The following DPEP2 variants were observed in gnomAD, a reference collection of about 807,000 sequenced individuals.
DPEP2 encodes dipeptidase 2.
In DPEP2, 45 loss-of-function variants were observed where a neutral mutation model predicts 51.8. The ratio of observed to expected loss-of-function variants is 0.87; its 90% CI spans 0.68 to 1.11. The LOEUF is 1.11. DPEP2 is among the 50% of genes most tolerant of loss of function. DPEP2 has a pLI of 0.00. For synonymous variants in DPEP2, 255 were observed against 262.7 expected (o/e 0.97, Z 0.28); for missense variants, 604 against 631.9 (o/e 0.96, Z 0.47).
chr16:67,995,199 CT>C (rs921467997), intron 1 of DPEP2, among the ~76,000 whole-genome samples: 20 of 151,382 alleles, frequency 1.3e-4, no homozygotes, highest in Non-Finnish European at 2.7e-4. Context: ...CGCACCTGGG[CT>C]TTTTTTTTAT....
rs201483097 is a variant in DPEP2 at position 67,992,048 on chromosome 16, C to G, written c.520+16G>C. On this transcript the variant is annotated intron_variant, in intron 4 of 10. Transcript: ENST00000393847. Reference sequence around the variant, plus strand: ...AGCTCAATCAAGTTCCTAACGCTTCCCATCAACTTGCCTACCTTTAGCCGA... The same window carrying G: ...AGCTCAATCAAGTTCCTAACGCTTCGCATCAACTTGCCTACCTTTAGCCGA... 15 of 1,613,970 alleles carry G rather than the reference C, an allele frequency of 9.3e-6. No individual in the cohort carries two copies. Among genetic ancestry groups the G allele is most frequent in the Non-Finnish European group, 1.2e-5 (14 of 1,179,982 alleles).
Position 67,991,886 on chromosome 16 carries a change from A to G in DPEP2, c.614T>C (p.Met205Thr), listed in dbSNP as rs1476286665. The change falls in exon 5 of 11, where the codon ATG becomes ACG. Residue 205 changes from methionine (M) to threonine (T), a missense_variant. Met to Thr is a moderately conservative substitution (Grantham distance 81, BLOSUM62 -1). Coordinates refer to ENST00000393847, the MANE Select transcript of DPEP2 (RefSeq NM_022355.4). This position sits in a 1 kb window ranked among gnomAD's most constrained non-coding sequence, Gnocchi z 5.1. ...GAGCGTCAGGTAGCGCACTCCCAGC[A>G]TGTAGAAGGTACGTAAGATGGAGAG... ...NSLSILRTFY[M>T]LGVRYLTLTH... The G allele has an allele frequency of 2.5e-6, 4 of 1,614,058 alleles. No homozygotes were observed. Among genetic ancestry groups the G allele is most frequent in the Admixed American group, 1.7e-5 (1 of 59,994 alleles).
intron 1 of DPEP2, among the ~76,000 whole-genome samples, chr16:67,996,908 C>A (rs977066531): frequency 5.9e-5 from 9 of 151,970 alleles, no homozygotes; most frequent in African/African-American, 2.2e-4. Context: ...GACACACCCA[C>A]ACTTGTAGTT....
rs892850828 is a variant in DPEP2, at chr16:67,998,449, C to CG, written c.-46+925dup. On this transcript the variant is annotated intron_variant, in intron 1 of 10. Coordinates refer to ENST00000393847, the MANE Select transcript of DPEP2 (RefSeq NM_022355.4). The stretch of plus-strand genomic sequence containing the variant: ...TCTCACCGGGCCTTAGCTGCCTTCC[C>CG]GGGGGGGCAGGGCTCGGGACCTGCA... Among the ~76,000 whole-genome samples, 11 of 152,266 alleles carry CG rather than the reference C, an allele frequency of 7.2e-5. No individual in the cohort carries two copies. In the East Asian group the frequency reaches 7.7e-4, roughly 11 times the overall value.
intron 1 of DPEP2, among the ~76,000 whole-genome samples, chr16:67,997,832 T>C (rs1468935127): frequency 6.6e-6 from 1 of 152,142 alleles, no homozygotes; most frequent in Non-Finnish European, 1.5e-5. Flanking sequence ...GGAGATGCTT[T>C]GAAGCAGGGT....
Position 67,990,810 on chromosome 16 carries a change from C to A in DPEP2, c.909+11G>T, listed in dbSNP as rs2032039971. The A allele has an allele frequency of 1.2e-6, 2 of 1,607,864 alleles. No individual in the cohort carries two copies. Among genetic ancestry groups the A allele is most frequent in the East Asian group, 2.2e-5 (1 of 44,738 alleles). ...TCTTGCTTTAGGTTCCTGGGCTGGG[C>A]AGTTTCTCACCAGAAGCTGCAGGAT... On this transcript the variant is annotated intron_variant, in intron 7 of 10. Coordinates refer to ENST00000393847, the MANE Select transcript of DPEP2 (RefSeq NM_022355.4).
chr16:67,990,190 C>T, intron 7 of DPEP2, 59 bp from the exon 8 acceptor site: 1 of 1,522,474 alleles, frequency 6.6e-7, no homozygotes, highest in South Asian at 1.1e-5. Context: ...CATTCCTGCC[C>T]TGCCACCCTC....
chr16:67,990,549 C>T (rs534132979), intron 7 of DPEP2, among the ~76,000 whole-genome samples: 13 of 152,150 alleles, frequency 8.5e-5, no homozygotes, highest in Non-Finnish European at 1.5e-4. Context: ...CTGCAACCTC[C>T]GCCTCCCAGG....
intron 3 of DPEP2, 117 bp from the exon 4 acceptor site, chr16:67,992,310 C>T (rs571961380): frequency 6.9e-7 from 1 of 1,456,014 alleles, no homozygotes; most frequent in Non-Finnish European, 9.3e-7. Context: ...ATGTAATGTA[C>T]TGCTTCTTCC....
intron 9 of DPEP2, among the ~76,000 whole-genome samples, chr16:67,988,602 C>CAA (rs56905546): frequency 9.1e-5 from 9 of 99,114 alleles, no homozygotes; most frequent in African/African-American, 1.4e-4. Context: ...GCCTCTGTCT[C>CAA]AAAAAAAAAA....
chr16:67,988,128 C>G lies in DPEP2; in HGVS notation c.1071-141G>C, dbSNP rs913072845. Reference sequence around the variant, plus strand: ...AGAGAGTAGGTAATTCTCCTCTGCTCTTTATCCTTCAGAAGGAGGCCTCAA... The same window carrying G: ...AGAGAGTAGGTAATTCTCCTCTGCTGTTTATCCTTCAGAAGGAGGCCTCAA... On this transcript the variant is annotated intron_variant, in intron 9 of 10. Coordinates refer to ENST00000393847, the MANE Select transcript of DPEP2 (RefSeq NM_022355.4). 448 of 1,031,652 alleles carry G rather than the reference C, an allele frequency of 4.3e-4. 1 individual carries two copies. Among genetic ancestry groups the G allele is most frequent in the Non-Finnish European group, 5.9e-4 (424 of 717,384 alleles). The allele number at this position is 1,031,652 out of a possible 1,614,324, so 63.9% of individuals were successfully genotyped here. A position where few individuals can be genotyped will look rare whatever the true frequency, so the allele number is the denominator to read the frequency against.
intron 1 of DPEP2, among the ~76,000 whole-genome samples, chr16:67,998,604 C>G (rs1226952112): frequency 1.3e-5 from 2 of 152,252 alleles, no homozygotes; most frequent in East Asian, 3.9e-4. Flanking sequence ...AGTGCGGGCG[C>G]ATGGCGCAGG....
In DPEP2 at chr16:67,987,472, G is replaced by T. The variant is rs769933335; in HGVS notation, c.*34C>A. ...GAACTTTGTGGGGTGTCTGTGGCTTGCTACAGTGACATCTGGCAGGACTAA... is the reference window on the plus strand; with the variant it reads ...GAACTTTGTGGGGTGTCTGTGGCTTTCTACAGTGACATCTGGCAGGACTAA... On this transcript the variant is annotated 3_prime_UTR_variant, in exon 11 of 11. Transcript: ENST00000393847. 1 of 1,587,398 alleles carries T rather than the reference G, an allele frequency of 6.3e-7. No individual in the cohort carries two copies. The highest frequency in any genetic ancestry group is 1.3e-5 in the African/African-American group (1 of 74,442).
chr16:67,995,762 G>C (rs749561496), intron 1 of DPEP2, among the ~76,000 whole-genome samples: 1 of 152,072 alleles, frequency 6.6e-6, no homozygotes, highest in African/African-American at 2.4e-5. Flanking sequence ...TCAGGAGTTC[G>C]AGACCAGCTT....
chr16:67,987,844 C>T lies in DPEP2; in HGVS notation c.1206+8G>A. ...CCCTCGGCTACTCTCTTGCCCAGCC[C>T]AGAGTACCTTTTCCACTTGTCTGAA... On this transcript the variant is annotated splice_region_variant and intron_variant, in intron 10 of 10. Transcript: ENST00000393847. 6.2e-7 allele frequency: 1 copy of T among 1,614,206 alleles called. No individual in the cohort carries two copies. The highest frequency in any genetic ancestry group is 8.5e-7 in the Non-Finnish European group (1 of 1,180,024).
rs746971748 is a variant in DPEP2 at position 67,987,712 on chromosome 16, C to T, written c.1255G>A (p.Asp419Asn). The change falls in exon 11 of 11, where the codon GAT (aspartate) becomes AAT (asparagine). Residue 419 changes from aspartate (D) to asparagine (N), a missense_variant. Asp to Asn is a conservative substitution (Grantham distance 23). Transcript: ENST00000393847. ...TGGCAGGAACTGCTCAGCTGCTCAT[C>T]CGGGAACTTGTCCTCCAAGGGGCTT... Reference protein sequence around the residue: ...WQSPLEDKFPDEQLSSSCHSD... With the variant: ...WQSPLEDKFPNEQLSSSCHSD... 3.1e-6 allele frequency: 5 copies of T among 1,614,134 alleles called. No individual in the cohort carries two copies. The South Asian group carries it at 5.5e-5, about 18-fold the overall frequency.
chr16:67,998,816 C>G (rs1051922015), intron 1 of DPEP2, among the ~76,000 whole-genome samples: 4 of 152,186 alleles, frequency 2.6e-5, no homozygotes, highest in African/African-American at 9.6e-5. Flanking sequence ...TGTGAATGCA[C>G]CAACTGACAC....
intron 8 of DPEP2, 111 bp downstream of exon 8, chr16:67,989,936 A>G: frequency 9.2e-7 from 1 of 1,083,788 alleles, no homozygotes; most frequent in Non-Finnish European, 1.4e-6. Flanking sequence ...TGTGCTGTGT[A>G]CTGTCCATCA....
rs574142283 is a variant in DPEP2 at position 67,993,233 on chromosome 16, C to T, written c.-21G>A. 21 of 1,416,266 alleles carry T rather than the reference C, an allele frequency of 1.5e-5. No individual in the cohort carries two copies. The African/African-American group carries it at 2.5e-4, about 17-fold the overall frequency. The allele number at this position is 1,416,266 out of a possible 1,614,324, so 87.7% of individuals were successfully genotyped here. A position where few individuals can be genotyped will look rare whatever the true frequency, so the allele number is the denominator to read the frequency against. ...TGCATGTTGTGCAGGGCCGGGCAGG[C>T]AGGCAGGGGTGGCAGTCAGAGAGCC... On this transcript the variant is annotated 5_prime_UTR_variant, in exon 2 of 11. Coordinates refer to ENST00000393847, the MANE Select transcript of DPEP2 (RefSeq NM_022355.4).
Sources: gnomAD v4.1 joint callset for allele counts (sites outside exome capture counted in the v4.1 genomes callset) on GRCh38, gnomAD v4.1.1 for gene constraint, Gnocchi (gnomAD v3.1) non-coding constraint, MANE v1.5 for transcripts, NCBI Gene and HGNC (gene_info 2026-07-23, HGNC 2026-07-21) for gene names.